Variants in KIFC3 observed in about 807,000 individuals in gnomAD.
KIFC3 encodes kinesin family member C3.
Under a neutral mutation model 101.8 loss-of-function variants are expected in KIFC3, and 60 were observed. The observed-to-expected ratio is 0.59, with a 90% CI of 0.48 to 0.73. The LOEUF is 0.73. KIFC3 is among the 30% of genes least tolerant of loss of function. The probability of loss-of-function intolerance (pLI) is 0.00; values close to 1 mark genes in which losing one functional copy is unlikely to be tolerated. For synonymous variants in KIFC3, 476 were observed against 482.7 expected, an observed-to-expected ratio of 0.99 and a Z score of 0.18; for missense variants, 966 against 1,137.1, an observed-to-expected ratio of 0.85 and a Z score of 2.16.
At chr16:57,797,583 C>T in intron 2 of KIFC3, 2 of 572,590 alleles carry the variant, frequency 3.5e-6, no homozygotes, top group Non-Finnish European at 4.6e-6. Flanking sequence ...GCACATGGAC[C>T]CCAAGCCCCG....
chr16:57,851,570 C>CTTT (rs11376679), intron 1 of KIFC3, among the ~76,000 whole-genome samples: 4 of 144,142 alleles, frequency 2.8e-5, no homozygotes, highest in African/African-American at 7.6e-5. Context: ...TTCGTTCATT[C>CTTT]TTTTTTTTTT....
intron 17 of KIFC3, 97 bp from the exon 18 acceptor site, chr16:57,759,933 C>G (rs1251487435): frequency 2.3e-6 from 2 of 884,372 alleles, no homozygotes; most frequent in Non-Finnish European, 3.4e-6. Flanking sequence ...CCTCCTAACA[C>G]CCAGTTTCCT....
rs782151183 is a variant in KIFC3 at position 57,760,862 on chromosome 16, T to G, written c.2096A>C (p.Lys699Thr). The part of the protein sequence containing the change: ...SRLREAQHIN[K>T]SLSALGDVIA... ...GACGTCCCCCAGAGCCGACAGCGAC[T>G]TGTTGATGTGCTGCGCCTCCCGCAG... Residue 699 changes from lysine (K) to threonine (T), a missense_variant, in exon 16 of 20, where the codon AAG (lysine) becomes ACG (threonine). Physicochemically the swap from Lys to Thr is moderately conservative, Grantham distance 78. Around this residue, in one of 2 missense-constraint regions of KIFC3, gnomAD observed 689 missense variants for 884.6 expected, o/e 0.78. Transcript: ENST00000445690. 1.2e-6 allele frequency: 2 copies of G among 1,612,842 alleles called. No homozygotes were observed. The highest frequency in any genetic ancestry group is 1.7e-6 in the Non-Finnish European group (2 of 1,179,936).
chr16:57,817,545 G>C (rs548854646), intron 1 of KIFC3, among the ~76,000 whole-genome samples: 2 of 152,014 alleles, frequency 1.3e-5, no homozygotes, highest in Non-Finnish European at 2.9e-5. Context: ...AGTGCACCTC[G>C]GCTTATGGGC....
At chr16:57,764,971 G>A (rs1461811992) in intron 11 of KIFC3, among the ~76,000 whole-genome samples, 1 of 151,432 alleles carries the variant, frequency 6.6e-6, no homozygotes, top group Admixed American at 6.6e-5. Context: ...GTGATGGTAG[G>A]AGGGGCCTTG....
At chr16:57,862,261 T>C (rs574294079) in intron 1 of KIFC3, among the ~76,000 whole-genome samples, 111 of 149,966 alleles carry the variant, frequency 7.4e-4, no homozygotes, top group Middle Eastern at 6.8e-3. Context: ...TGAGCTCAAG[T>C]GATCCTCCCG....
chr16:57,830,089 AG>A (rs1457729014), intron 1 of KIFC3, among the ~76,000 whole-genome samples: 1 of 152,142 alleles, frequency 6.6e-6, no homozygotes, highest in African/African-American at 2.4e-5. Flanking sequence ...TGTCCTCGAA[AG>A]GCCAGGTATA....
upstream of KIFC3, among the ~76,000 whole-genome samples, chr16:57,806,947 G>A (rs1332510057): frequency 1.3e-5 from 2 of 152,224 alleles, no homozygotes; most frequent in Non-Finnish European, 2.9e-5. Context: ...GGCTGGACGT[G>A]GTGGCTCACG....
At chr16:57,792,432 T>C (rs904688035) in intron 3 of KIFC3, among the ~76,000 whole-genome samples, 1 of 152,136 alleles carries the variant, frequency 6.6e-6, no homozygotes, top group Non-Finnish European at 1.5e-5. Flanking sequence ...ATGCATTAAT[T>C]AAAAATGGGC....
At chr16:57,802,966 A>T, upstream of KIFC3, 1 of 1,535,558 alleles carries the variant, frequency 6.5e-7, no homozygotes, top group Non-Finnish European at 8.7e-7. The surrounding 1 kb of genome is among the most constrained non-coding windows in gnomAD (Gnocchi z 5.0). Flanking sequence ...CTCACGAGAC[A>T]ATACATGTAC....
chr16:57,762,269 C>T lies in KIFC3; in HGVS notation c.1619G>A (p.Gly540Glu). ...GTTGATACCTGGGTTCTCAGCGGTC[C>T]CCTGGGGACAGAAGGAAAGGCCCCA... ...TGAGKTYTME[G>E]TAENPGINQR... is the part of the protein sequence containing the mutation. Residue 540 changes from glycine to glutamate, a missense_variant and splice_region_variant, in exon 13 of 20, where the codon GGG (glycine) becomes GAG (glutamate). Physicochemically the swap from Gly to Glu is moderately conservative, Grantham distance 98 (BLOSUM62 -2). Around this residue, in one of 2 missense-constraint regions of KIFC3, gnomAD observed 689 missense variants for 884.6 expected, o/e 0.78. Transcript: ENST00000445690. The T allele has an allele frequency of 6.4e-7, 1 of 1,552,908 alleles. No individual in the cohort carries two copies. The highest frequency in any genetic ancestry group is 1.4e-5 in the African/African-American group (1 of 73,222).
intron 1 of KIFC3, chr16:57,817,068 TATTCTCTCG>T: frequency 3.5e-6 from 1 of 284,622 alleles, no homozygotes; most frequent in Non-Finnish European, 6.9e-6. Flanking sequence ...AACAAAAACG[TATTCTCTCG>T]GCCAGGCGTG....
At chr16:57,854,685 C>A (rs1001249406) in intron 1 of KIFC3, among the ~76,000 whole-genome samples, 4 of 151,424 alleles carry the variant, frequency 2.6e-5, no homozygotes, top group Non-Finnish European at 4.4e-5. Context: ...GTGAGCAACA[C>A]CATCAACCAA....
chr16:57,768,246 T>C (rs1168921601), intron 9 of KIFC3, among the ~76,000 whole-genome samples: 1 of 152,052 alleles, frequency 6.6e-6, no homozygotes, highest in East Asian at 1.9e-4. Flanking sequence ...TCCAGGAGGC[T>C]GAGGCAGGAG....
At chr16:57,796,813 T>G (rs1433964167) in intron 2 of KIFC3, among the ~76,000 whole-genome samples, 2 of 152,208 alleles carry the variant, frequency 1.3e-5, no homozygotes, top group Non-Finnish European at 2.9e-5. Flanking sequence ...TAACTTGTGA[T>G]TTTTATTTCC....
At chr16:57,767,629 C>T (rs1434309949) in intron 9 of KIFC3, among the ~76,000 whole-genome samples, 1 of 152,124 alleles carries the variant, frequency 6.6e-6, no homozygotes, top group South Asian at 2.1e-4. Flanking sequence ...CTACACACAT[C>T]CTCCCATATA....
Position 57,795,040 on chromosome 16 carries a change from C to T in KIFC3, c.274G>A (p.Ala92Thr), listed in dbSNP as rs1237435590. 6 of 1,600,134 alleles carry T rather than the reference C, an allele frequency of 3.7e-6. No individual in the cohort carries two copies. The highest frequency in any genetic ancestry group is 5.1e-6 in the Non-Finnish European group (6 of 1,174,978). Residue 92 changes from alanine to threonine, a missense_variant, in exon 3 of 20, where the codon GCT (alanine) becomes ACT (threonine). Coordinates refer to ENST00000445690, the MANE Select transcript of KIFC3 (RefSeq NM_001130100.2). Reference protein sequence around the residue: ...AQCRALSVDWAGPGSPHGLYL... With the variant: ...AQCRALSVDWTGPGSPHGLYL... ...AGCCCGTGGGGGCTTCCGGGGCCAGCCCAGTCCACGCTAAGGGCTCGGCAC... is the reference window on the plus strand; with the variant it reads ...AGCCCGTGGGGGCTTCCGGGGCCAGTCCAGTCCACGCTAAGGGCTCGGCAC...
At chr16:57,783,127 T>TA (rs1293528697) in intron 3 of KIFC3, among the ~76,000 whole-genome samples, 5 of 152,178 alleles carry the variant, frequency 3.3e-5, no homozygotes, top group African/African-American at 4.8e-5. Flanking sequence ...TTTCCCTTCT[T>TA]AAAAAGTAAG....
In KIFC3 at chr16:57,758,687, C is replaced by T. The variant is rs551137064; in HGVS notation, c.*247G>A. The T allele has an allele frequency of 1.2e-5, 9 of 724,138 alleles. No homozygotes were observed. The highest frequency in any genetic ancestry group is 2.3e-4 in the Middle Eastern group (1 of 4,396). The allele number at this position is 724,138 out of a possible 1,614,324, so 44.9% of individuals were successfully genotyped here. Reference sequence around the variant, plus strand: ...GCCTGCCAGGAAGAGCAGCCACCCCCGCCTTTCCGCCCATGCAATTTGCAC... The same window carrying T: ...GCCTGCCAGGAAGAGCAGCCACCCCTGCCTTTCCGCCCATGCAATTTGCAC... On this transcript the variant is annotated 3_prime_UTR_variant, in exon 20 of 20. Coordinates refer to ENST00000445690, the MANE Select transcript of KIFC3 (RefSeq NM_001130100.2).
Sources: allele counts gnomAD v4.1 joint callset (sites outside exome capture counted in the v4.1 genomes callset), GRCh38; gene constraint gnomAD v4.1.1; regional missense constraint gnomAD v4.1.1; non-coding constraint Gnocchi (gnomAD v3.1); transcripts MANE v1.5; gene names NCBI Gene and HGNC (gene_info 2026-07-23, HGNC 2026-07-21).